Variants in COL11A1 observed in about 807,000 individuals in gnomAD.
COL11A1 encodes the protein collagen type XI alpha 1 chain, also known as collagen alpha-1(XI) chain.
In COL11A1, 74 loss-of-function variants were observed where a neutral mutation model predicts 265.2. The ratio of observed to expected loss-of-function variants is 0.28; its 90% CI spans 0.23 to 0.34. COL11A1 has a LOEUF of 0.34. Among genes scored for constraint, COL11A1 ranks in the 10% least tolerant of loss-of-function variants. COL11A1 has a pLI of 1.00. For synonymous variants in COL11A1, 816 were observed against 727.6 expected, an observed-to-expected ratio of 1.12 and a Z score of -1.96; for missense variants, 2,165 against 2,263.6, an observed-to-expected ratio of 0.96 and a Z score of 0.88.
At chr1:103,010,300 C>T (rs957685544) in intron 14 of COL11A1, among the ~76,000 whole-genome samples, 3 of 152,044 alleles carry the variant, frequency 2.0e-5, no homozygotes, top group Non-Finnish European at 4.4e-5. Flanking sequence ...ATTTGGAAGA[C>T]TAATAATTTA....
chr1:102,899,021 TATGTATCACATATAAAAGTAATG>T (rs1187074473), intron 54 of COL11A1, 27 bp from the exon 55 acceptor site: 1 of 1,373,360 alleles, frequency 7.3e-7, no homozygotes, highest in Non-Finnish European at 1.0e-6. Context: ...TATTGTAAAA[TATGTATCACATATAAAAGTAATG>T]TTAATGAGCA....
intron 54 of COL11A1, among the ~76,000 whole-genome samples, chr1:102,911,056 C>T (rs535797247): frequency 2.6e-4 from 40 of 152,192 alleles, no homozygotes; most frequent in African/African-American, 8.4e-4. Flanking sequence ...AAATCATGTA[C>T]ACTTTCCAAT....
At chr1:103,040,540 A>C (rs1451216523) in intron 4 of COL11A1, among the ~76,000 whole-genome samples, 1 of 151,506 alleles carries the variant, frequency 6.6e-6, no homozygotes, top group East Asian at 1.9e-4. Flanking sequence ...CAGATTACAA[A>C]AGGATTCTTC....
intron 44 of COL11A1, 68 bp from the exon 45 acceptor site, chr1:102,935,181 AC>A (rs1367419032): frequency 6.3e-5 from 82 of 1,299,416 alleles, no homozygotes; most frequent in Non-Finnish European, 8.9e-5. Context: ...ATGAAACAGA[AC>A]ATTTAGCCTA....
Position 103,008,897 on chromosome 1 carries a change from C to G in COL11A1, c.1630-381G>C, listed in dbSNP as rs528355325. On this transcript the variant is annotated intron_variant, in intron 14 of 66. Transcript: ENST00000370096. ...ACCCATTATTACCAAATCAGATATA[C>G]ATGTAATCCATTTATACTGTAAGGA... Among the ~76,000 whole-genome samples, 3 of 152,268 alleles carry G rather than the reference C, an allele frequency of 2.0e-5. No homozygotes were observed. In the East Asian group the frequency reaches 5.8e-4, roughly 29 times the overall value.
chr1:102,971,410 A>G (rs1334489274), intron 36 of COL11A1, among the ~76,000 whole-genome samples: 1 of 152,188 alleles, frequency 6.6e-6, no homozygotes, highest in African/African-American at 2.4e-5. Context: ...ATCAAGTTCA[A>G]ATTTCAAAAC....
chr1:103,076,656 T>C (rs1441768523), intron 3 of COL11A1, among the ~76,000 whole-genome samples: 1 of 152,146 alleles, frequency 6.6e-6, no homozygotes, highest in African/African-American at 2.4e-5. Flanking sequence ...AAAACATGAG[T>C]GAAACCTCAT....
intron 4 of COL11A1, among the ~76,000 whole-genome samples, chr1:103,054,912 A>G (rs1670121782): frequency 6.6e-6 from 1 of 152,202 alleles, no homozygotes; most frequent in South Asian, 2.1e-4. Flanking sequence ...AAAAAAAATT[A>G]AAAAGAAAAA....
At chr1:102,883,590 A>G (rs1438755450) in intron 63 of COL11A1, among the ~76,000 whole-genome samples, 1 of 152,132 alleles carries the variant, frequency 6.6e-6, no homozygotes, top group Non-Finnish European at 1.5e-5. Flanking sequence ...CTTAAATATC[A>G]TCTCCTCAAA....
chr1:103,045,709 C>A (rs1011470348), intron 4 of COL11A1, among the ~76,000 whole-genome samples: 1 of 152,108 alleles, frequency 6.6e-6, no homozygotes, highest in East Asian at 1.9e-4. Context: ...TATTGGTGTG[C>A]TGCACCCACT....
chr1:103,021,045 C>A (rs1028054453), intron 9 of COL11A1, among the ~76,000 whole-genome samples: 6 of 148,444 alleles, frequency 4.0e-5, no homozygotes, highest in South Asian at 2.1e-4. Context: ...TATGTCCTTA[C>A]AATTTCTGAA....
intron 63 of COL11A1, among the ~76,000 whole-genome samples, chr1:102,883,982 T>G (rs1384512677): frequency 6.6e-6 from 1 of 152,166 alleles, no homozygotes; most frequent in African/African-American, 2.4e-5. Context: ...TGAGTAAGCA[T>G]GGAAAATAGT....
intron 46 of COL11A1, among the ~76,000 whole-genome samples, chr1:102,925,038 CATA>C (rs1462371223): frequency 6.6e-6 from 1 of 151,296 alleles, no homozygotes; most frequent in Non-Finnish European, 1.5e-5. Context: ...TTAATGTTTG[CATA>C]ATATTTTAGA....
At chr1:102,964,378 T>C (rs1661198222) in intron 38 of COL11A1, among the ~76,000 whole-genome samples, 2 of 152,170 alleles carry the variant, frequency 1.3e-5, no homozygotes, top group Admixed American at 6.5e-5. Flanking sequence ...GTATATATAA[T>C]GTTTTAACTA....
intron 31 of COL11A1, among the ~76,000 whole-genome samples, chr1:102,979,870 CTA>C (rs1662871354): frequency 6.6e-6 from 1 of 152,222 alleles, no homozygotes; most frequent in East Asian, 1.9e-4. Context: ...TATCATATGT[CTA>C]TAGTTACCAC....
chr1:103,012,462 A>T lies in COL11A1; in HGVS notation c.1580T>A (p.Leu527Gln). The T allele has an allele frequency of 6.2e-7, 1 of 1,612,390 alleles. No homozygotes were observed. Among genetic ancestry groups the T allele is most frequent in the Non-Finnish European group, 8.5e-7 (1 of 1,178,584 alleles). Reference sequence around the variant, plus strand: ...ACCCATTGGGCCAGGTGGGCCTCTCAGAGCAATCTAGAAAACAAAATATAT... The same window carrying T: ...ACCCATTGGGCCAGGTGGGCCTCTCTGAGCAATCTAGAAAACAAAATATAT... ...QAILQQARIALRGPPGPMGLT... is the reference protein window; with the variant it reads ...QAILQQARIAQRGPPGPMGLT... Residue 527 changes from leucine (L) to glutamine (Q), a missense_variant, in exon 14 of 67, where the codon CTG becomes CAG. Physicochemically the swap from Leu to Gln is moderately radical, Grantham distance 113. Coordinates refer to ENST00000370096, the MANE Select transcript of COL11A1 (RefSeq NM_001854.4).
At chr1:103,004,871 TATA>T (rs1293030901) in intron 18 of COL11A1, among the ~76,000 whole-genome samples, 1 of 152,008 alleles carries the variant, frequency 6.6e-6, no homozygotes. Context: ...ATTTTATAAT[TATA>T]ATATTTTCTC....
intron 65 of COL11A1, 94 bp from the exon 66 acceptor site, chr1:102,880,010 A>G: frequency 1.2e-6 from 1 of 836,314 alleles, no homozygotes; most frequent in Non-Finnish European, 2.0e-6. Context: ...CTGTGATGCC[A>G]GAAGCATGTA....
intron 37 of COL11A1, among the ~76,000 whole-genome samples, chr1:102,968,575 T>C (rs1661657062): frequency 6.6e-6 from 1 of 152,144 alleles, no homozygotes; most frequent in African/African-American, 2.4e-5. Flanking sequence ...ATAATAAATA[T>C]ATGGCAAAGA....
Sources: allele counts gnomAD v4.1 joint callset (sites outside exome capture counted in the v4.1 genomes callset), GRCh38; gene constraint gnomAD v4.1.1; transcripts MANE v1.5; gene names NCBI Gene and HGNC (gene_info 2026-07-23, HGNC 2026-07-21).